RPRD2: variants seen among roughly 807,000 people sequenced by gnomAD.
The protein encoded by RPRD2 is regulation of nuclear pre-mRNA domain-containing protein 2.
Under a neutral mutation model 104.4 loss-of-function variants are expected in RPRD2, and 12 were observed. The ratio of observed to expected loss-of-function variants is 0.11; its 90% CI spans 0.07 to 0.19. The LOEUF is 0.19. RPRD2 is among the 10% of genes least tolerant of loss of function. The pLI, the probability that RPRD2 is intolerant of heterozygous loss-of-function variation, is 1.00. For missense variants in RPRD2, 1,543 were observed against 1,790.1 expected (o/e 0.86, Z 2.49); for synonymous variants, 714 against 684.9 (o/e 1.04, Z -0.66).
At chr1:150,454,789 A>C (rs1667411214) in intron 7 of RPRD2, among the ~76,000 whole-genome samples, 2 of 152,188 alleles carry the variant, frequency 1.3e-5, no homozygotes, top group South Asian at 4.1e-4. Flanking sequence ...TGGAGGTTGC[A>C]GTGAGCTCTG....
chr1:150,373,533 C>CTT lies in RPRD2; in HGVS notation c.205+8634_205+8635dup, dbSNP rs56743462. ...AGAGGAGGAGAATAATCAAGAATGA[C>CTT]TTTTTTTTTTTTTTTTTTTTTAGCT... On this transcript the variant is annotated intron_variant, in intron 1 of 10. Transcript: ENST00000369068. 2.8e-3 allele frequency among the ~76,000 whole-genome samples: 275 copies of CTT among 97,404 alleles called. 8 individuals carry two copies. Among genetic ancestry groups the CTT allele is most frequent in the African/African-American group, 9.7e-3 (253 of 26,124 alleles). The allele number at this position is 97,404 out of a possible 152,430, so 63.9% of individuals were successfully genotyped here.
rs1321530444 is a variant in RPRD2, at chr1:150,366,693, TTCA to T, written c.205+1779_205+1781del. Among the ~76,000 whole-genome samples, 7 of 152,336 alleles carry T rather than the reference TTCA, an allele frequency of 4.6e-5. No homozygotes were observed. In the East Asian group the frequency reaches 1.3e-3, roughly 29 times the overall value. On this transcript the variant is annotated intron_variant, in intron 1 of 10. Transcript: ENST00000369068. ...TAAAATGGTGGGGTTAGGGTTTGAC[TTCA>T]TCATTAACTTTGTAAAATAATGTTT...
In RPRD2 at chr1:150,384,837, T is replaced by C. The variant is rs587757366; in HGVS notation, c.205+19918T>C. Among the ~76,000 whole-genome samples the C allele has an allele frequency of 4.6e-5, 7 of 151,986 alleles. No homozygotes were observed. In the East Asian group the frequency reaches 1.4e-3, roughly 30 times the overall value. On this transcript the variant is annotated intron_variant, in intron 1 of 10. Transcript: ENST00000369068. ...GCATGATTTTTAAGACATTAAGAGT[T>C]GTGGTAGGGGAATATATTTAAAAGA... is the stretch of plus-strand genomic sequence containing the variant.
chr1:150,467,382 G>A (rs1668347446), intron 10 of RPRD2, among the ~76,000 whole-genome samples: 1 of 151,966 alleles, frequency 6.6e-6, no homozygotes, highest in African/African-American at 2.4e-5. Context: ...TTATTTGTTT[G>A]TTTGTTTTTG....
At chr1:150,428,454 CAAAAAAAAAAAA>C (rs34596290) in intron 2 of RPRD2, among the ~76,000 whole-genome samples, 1 of 71,272 alleles carries the variant, frequency 1.4e-5, no homozygotes, top group Non-Finnish European at 2.8e-5. Flanking sequence ...GACTCTGTCT[CAAAAAAAAAAAA>C]AAAAAAAAAA....
chr1:150,464,687 A>C lies in RPRD2; in HGVS notation c.1572A>C (p.Ala524=), dbSNP rs782692619. ...TCACCCCAGAGAGCATTCTGTCTGC[A>C]CTTTCCAAAACCCAGACACAGTCAG... ...VEITPESILS[A]LSKTQTQSAP... Residue 524 remains alanine (A), a synonymous_variant, in exon 10 of 11, where the codon GCA becomes GCC. Coordinates refer to ENST00000369068, the MANE Select transcript of RPRD2 (RefSeq NM_015203.5). The C allele has an allele frequency of 2.5e-6, 4 of 1,612,924 alleles. No individual in the cohort carries two copies. The highest frequency in any genetic ancestry group is 3.4e-6 in the Non-Finnish European group (4 of 1,179,490).
Position 150,471,062 on chromosome 1 carries a change from C to T in RPRD2, c.2114C>T (p.Pro705Leu). ...LGSSAPSESH[P>L]SDFQRGPTST... ...TCCAGCGCCCCATCAGAGAGCCATC[C>T]CTCAGACTTCCAGCGTGGCCCTACT... The change falls in exon 11 of 11, where the codon CCC becomes CTC. Residue 705 changes from proline (P) to leucine (L), a missense_variant. Coordinates refer to ENST00000369068, the MANE Select transcript of RPRD2 (RefSeq NM_015203.5). The surrounding 1 kb of genome is among the most constrained non-coding windows in gnomAD (Gnocchi z 5.3). 6.2e-7 allele frequency: 1 copy of T among 1,613,996 alleles called. No homozygotes were observed. Among genetic ancestry groups the T allele is most frequent in the Admixed American group, 1.7e-5 (1 of 60,020 alleles).
intron 7 of RPRD2, 72 bp from the exon 8 acceptor site, chr1:150,457,216 T>C: frequency 6.9e-7 from 1 of 1,455,732 alleles, no homozygotes; most frequent in Non-Finnish European, 9.3e-7. Context: ...AAAGTGAGAC[T>C]CTGCCTCAAA....
intron 1 of RPRD2, among the ~76,000 whole-genome samples, chr1:150,408,075 A>G (rs1372543094): frequency 6.7e-6 from 1 of 148,530 alleles, no homozygotes; most frequent in African/African-American, 2.5e-5. Flanking sequence ...CACCTGGCCT[A>G]TGCTTTTATT....
chr1:150,389,613 C>G (rs907805771), intron 1 of RPRD2, among the ~76,000 whole-genome samples: 6 of 152,098 alleles, frequency 3.9e-5, no homozygotes, highest in Admixed American at 3.9e-4. Flanking sequence ...TTTTTTGAAG[C>G]CTCTTACACA....
At chr1:150,386,581 A>G (rs965463435) in intron 1 of RPRD2, among the ~76,000 whole-genome samples, 4 of 152,166 alleles carry the variant, frequency 2.6e-5, no homozygotes, top group Non-Finnish European at 5.9e-5. Flanking sequence ...TTTTTTTGAT[A>G]ATGTCATGAC....
chr1:150,388,507 A>G (rs1421648913), intron 1 of RPRD2, among the ~76,000 whole-genome samples: 1 of 146,684 alleles, frequency 6.8e-6, no homozygotes, highest in Non-Finnish European at 1.5e-5. Context: ...GCACACACAC[A>G]CACACACACA....
intron 7 of RPRD2, among the ~76,000 whole-genome samples, chr1:150,456,628 A>T (rs1461853156): frequency 3.6e-5 from 2 of 54,956 alleles, no homozygotes; most frequent in South Asian, 5.2e-4. Context: ...AATTTTATTT[A>T]AAAAAAAAAA....
At chr1:150,413,937 A>G (rs1664134259) in intron 1 of RPRD2, among the ~76,000 whole-genome samples, 1 of 151,970 alleles carries the variant, frequency 6.6e-6, no homozygotes, top group Non-Finnish European at 1.5e-5. Flanking sequence ...AAAAGAAAAA[A>G]AAAAAATTAG....
At chr1:150,413,165 T>C (rs183893679) in intron 1 of RPRD2, among the ~76,000 whole-genome samples, 32 of 152,018 alleles carry the variant, frequency 2.1e-4, no homozygotes, top group Admixed American at 1.8e-3. Context: ...GGGGATAAAG[T>C]TGAGAAATAT....
Position 150,476,494 on chromosome 1 carries a change from C to G in RPRD2, c.*3160C>G, listed in dbSNP as rs746984780. 2.6e-5 allele frequency: 4 copies of G among 152,186 alleles called. No homozygotes were observed. The highest frequency in any genetic ancestry group is 5.9e-5 in the Non-Finnish European group (4 of 68,036). The allele number at this position is 152,186 out of a possible 1,614,324, so 9.4% of individuals were successfully genotyped here. ...GTGTGGAAAACAAAACAAGTACATGCTTTAGAAGCAACAACAATGAAATCC... is the reference window on the plus strand; with the variant it reads ...GTGTGGAAAACAAAACAAGTACATGGTTTAGAAGCAACAACAATGAAATCC... On this transcript the variant is annotated 3_prime_UTR_variant, in exon 11 of 11. Transcript: ENST00000369068.
At chr1:150,377,531 G>C (rs1233239010) in intron 1 of RPRD2, among the ~76,000 whole-genome samples, 1 of 151,036 alleles carries the variant, frequency 6.6e-6, no homozygotes, top group Non-Finnish European at 1.5e-5. Context: ...CTGGGAGACA[G>C]AGCTGGCAGT....
rs745921423 is a variant in RPRD2, at chr1:150,472,761, T to A, written c.3813T>A (p.Pro1271=). The change falls in exon 11 of 11, where the codon CCT becomes CCA. Residue 1271 remains proline, a synonymous_variant. Transcript: ENST00000369068. ...GTGGAATTCCTTTCCCTACCCCACC[T>A]CCTCCTCCCCCTCCTGGGGAACATA... ...EHSGIPFPTP[P]PPPPPGEHSS... 6.2e-7 allele frequency: 1 copy of A among 1,608,840 alleles called. No individual in the cohort carries two copies. The highest frequency in any genetic ancestry group is 1.1e-5 in the South Asian group (1 of 90,932).
chr1:150,395,317 C>T (rs1553883969), intron 1 of RPRD2, among the ~76,000 whole-genome samples: 1 of 151,316 alleles, frequency 6.6e-6, no homozygotes, highest in African/African-American at 2.4e-5. Flanking sequence ...ATCCAGGTCG[C>T]TGCTAATGCA....
Sources: gnomAD v4.1 joint callset for allele counts (sites outside exome capture counted in the v4.1 genomes callset) on GRCh38, gnomAD v4.1.1 for gene constraint, Gnocchi (gnomAD v3.1) non-coding constraint, MANE v1.5 for transcripts, NCBI Gene and HGNC (gene_info 2026-07-23, HGNC 2026-07-21) for gene names.